NAV2: variants seen among roughly 807,000 people sequenced by gnomAD.
NAV2 encodes the protein neuron navigator 2.
In NAV2, 54 loss-of-function variants were observed where a neutral mutation model predicts 223.2. That is an observed-to-expected ratio of 0.24 (90% CI 0.19 to 0.30). The LOEUF (loss-of-function observed/expected upper bound fraction) is 0.30, where lower values mean the gene tolerates loss of function less well. Among genes scored for constraint, NAV2 ranks in the 10% least tolerant of loss-of-function variants. The pLI is 1.00. For synonymous variants in NAV2, 1,279 were observed against 1,239.3 expected (o/e 1.03, Z -0.67); for missense variants, 2,806 against 3,147.5 (o/e 0.89, Z 2.60).
chr11:19,422,886 C>A (rs1458489062), intron 1 of NAV2, among the ~76,000 whole-genome samples: 1 of 152,124 alleles, frequency 6.6e-6, no homozygotes, highest in Non-Finnish European at 1.5e-5. Context: ...GGCAGACAGG[C>A]CTGAGTGTGA....
intron 1 of NAV2, among the ~76,000 whole-genome samples, chr11:19,686,038 C>G (rs1461393082): frequency 6.6e-6 from 1 of 152,154 alleles, no homozygotes; most frequent in Non-Finnish European, 1.5e-5. Flanking sequence ...CCTCTTCTCA[C>G]ACTGCTCCCC....
intron 11 of NAV2, among the ~76,000 whole-genome samples, chr11:20,032,853 T>C (rs2055915582): frequency 6.6e-6 from 1 of 152,190 alleles, no homozygotes; most frequent in Admixed American, 6.5e-5. Flanking sequence ...CAGGAGGTAT[T>C]TAAGGAGCAC....
intron 1 of NAV2, among the ~76,000 whole-genome samples, chr11:19,526,532 T>G (rs1377921979): frequency 6.6e-6 from 1 of 152,152 alleles, no homozygotes; most frequent in Non-Finnish European, 1.5e-5. Flanking sequence ...ACCCATTGTT[T>G]ACTCACTGCA....
chr11:19,703,486 G>C (rs1424898160), intron 1 of NAV2, among the ~76,000 whole-genome samples: 1 of 152,218 alleles, frequency 6.6e-6, no homozygotes, highest in Non-Finnish European at 1.5e-5. Flanking sequence ...TGGTGGCCCT[G>C]CAGGAGCAAC....
intron 22 of NAV2, among the ~76,000 whole-genome samples, chr11:20,073,926 A>G (rs1013273706): frequency 4.2e-4 from 63 of 151,402 alleles, no homozygotes; most frequent in Admixed American, 2.0e-3. Flanking sequence ...TTGTGTCTCT[A>G]TCTCCTTCAG....
intron 10 of NAV2, among the ~76,000 whole-genome samples, chr11:19,955,877 C>T (rs981061873): frequency 2.0e-5 from 3 of 152,158 alleles, no homozygotes; most frequent in South Asian, 2.1e-4. Context: ...TACAGCCTAA[C>T]GCACCCTGGA....
intron 11 of NAV2, chr11:20,027,238 G>T (rs1392364139): frequency 2.0e-6 from 2 of 983,518 alleles, no homozygotes; most frequent in Non-Finnish European, 2.4e-6. Flanking sequence ...TTCCCCAGGG[G>T]TTACTACTAA....
chr11:19,867,546 G>A (rs1565459801), intron 3 of NAV2, among the ~76,000 whole-genome samples: 3 of 152,196 alleles, frequency 2.0e-5, no homozygotes, highest in Non-Finnish European at 2.9e-5. Context: ...AATGATGAAA[G>A]GCATAACGCA....
At chr11:19,610,438 C>G (rs978973439) in intron 1 of NAV2, among the ~76,000 whole-genome samples, 3 of 152,184 alleles carry the variant, frequency 2.0e-5, no homozygotes, top group Non-Finnish European at 4.4e-5. Context: ...ATGTGGGCTA[C>G]AGTTGCAGCT....
intron 10 of NAV2, among the ~76,000 whole-genome samples, chr11:19,949,498 T>A (rs2047209753): frequency 6.6e-6 from 1 of 152,208 alleles, no homozygotes; most frequent in Non-Finnish European, 1.5e-5. Flanking sequence ...TCAAGCTCTT[T>A]CCGGCCTCAC....
chr11:20,065,778 T>C (rs913919294), intron 20 of NAV2, among the ~76,000 whole-genome samples: 6 of 152,246 alleles, frequency 3.9e-5, no homozygotes, highest in African/African-American at 1.4e-4. Flanking sequence ...TTGTCCTATG[T>C]GGATGGCTAA....
At position 20,078,114 on chromosome 11, in the gene NAV2, G is replaced by C. The variant is rs867927506; in HGVS notation, c.5179+10G>C. On this transcript the variant is annotated intron_variant, in intron 24 of 37. Transcript: ENST00000349880. ...GAGCTCAACTGCAAAGGTAAAGTAA[G>C]GGAAACAGCCTTTAGCCAGAAGACC... 8 of 1,602,644 alleles carry C rather than the reference G, an allele frequency of 5.0e-6. No homozygotes were observed. The highest frequency in any genetic ancestry group is 6.0e-6 in the Non-Finnish European group (7 of 1,170,506).
chr11:19,733,250 T>A (rs1210862866), intron 1 of NAV2, among the ~76,000 whole-genome samples: 1 of 152,260 alleles, frequency 6.6e-6, no homozygotes, highest in Non-Finnish European at 1.5e-5. Flanking sequence ...TGGAGCTTCT[T>A]TCACATCAAG....
chr11:19,879,620 G>C (rs1340022983), intron 4 of NAV2, among the ~76,000 whole-genome samples: 1 of 152,156 alleles, frequency 6.6e-6, no homozygotes, highest in African/African-American at 2.4e-5. Context: ...TGTCCTTACT[G>C]AGAATTTCCT....
intron 5 of NAV2, among the ~76,000 whole-genome samples, chr11:19,883,351 T>C (rs558049710): frequency 6.6e-6 from 1 of 152,326 alleles, no homozygotes; most frequent in South Asian, 2.1e-4. Flanking sequence ...ACTTTGCTTC[T>C]TCCCCTTAGC....
chr11:19,923,867 C>T (rs1253110274), intron 6 of NAV2, among the ~76,000 whole-genome samples: 1 of 152,082 alleles, frequency 6.6e-6, no homozygotes, highest in Non-Finnish European at 1.5e-5. Flanking sequence ...AAAGTTTTCT[C>T]CTGGGGATTT....
At chr11:19,598,308 G>A (rs2046263228) in intron 1 of NAV2, among the ~76,000 whole-genome samples, 1 of 152,246 alleles carries the variant, frequency 6.6e-6, no homozygotes, top group Non-Finnish European at 1.5e-5. Flanking sequence ...GGCACCCACA[G>A]CGAGTAGCCA....
chr11:19,870,729 C>A (rs1409936709), intron 4 of NAV2, among the ~76,000 whole-genome samples: 1 of 152,164 alleles, frequency 6.6e-6, no homozygotes, highest in Non-Finnish European at 1.5e-5. Flanking sequence ...TTTATAACAG[C>A]CTCAGTTTAT....
intron 1 of NAV2, among the ~76,000 whole-genome samples, chr11:19,440,643 T>C (rs1166141675): frequency 6.6e-6 from 1 of 152,162 alleles, no homozygotes; most frequent in East Asian, 1.9e-4. Context: ...CAGTCAAGTA[T>C]GGTAAGGGGG....
Sources: allele counts gnomAD v4.1 joint callset (sites outside exome capture counted in the v4.1 genomes callset), GRCh38; gene constraint gnomAD v4.1.1; transcripts MANE v1.5; gene names NCBI Gene and HGNC (gene_info 2026-07-23, HGNC 2026-07-21).